The following ETV6 variants were observed in gnomAD, a reference collection of about 807,000 sequenced individuals.
The protein encoded by ETV6 is transcription factor ETV6.
ETV6 carries 16 observed loss-of-function variants against 51.1 expected under a neutral mutation model. That is an observed-to-expected ratio of 0.31 (90% CI 0.21 to 0.48). ETV6 has a LOEUF of 0.48. ETV6 is among the 20% of genes least tolerant of loss of function. The pLI, the probability that ETV6 is intolerant of heterozygous loss-of-function variation, is 0.99. For missense variants in ETV6, 458 were observed against 594.8 expected (o/e 0.77, Z 2.39); for synonymous variants, 240 against 224.1 (o/e 1.07, Z -0.64).
chr12:11,705,777 C>A lies in ETV6; in HGVS notation c.34-46673C>A, dbSNP rs78085403. 8.2e-3 allele frequency among the ~76,000 whole-genome samples: 1,246 copies of A among 152,308 alleles called. 17 individuals carry two copies. Among genetic ancestry groups the A allele is most frequent in the African/African-American group, 0.028 (1,154 of 41,552 alleles). On this transcript the variant is annotated intron_variant, in intron 1 of 7. Transcript: ENST00000396373. ...AAAGATGAGAAGGCAATTGAGACAA[C>A]CCTAAGCCCCTGTCTGCCCACTCAA...
intron 2 of ETV6, among the ~76,000 whole-genome samples, chr12:11,775,748 C>T (rs961388676): frequency 2.6e-5 from 4 of 152,184 alleles, no homozygotes; most frequent in African/African-American, 4.8e-5. Context: ...GGCCAGGGAA[C>T]GTGATAAACC....
intron 2 of ETV6, among the ~76,000 whole-genome samples, chr12:11,835,752 T>G (rs1370388980): frequency 6.6e-6 from 1 of 152,224 alleles, no homozygotes; most frequent in Admixed American, 6.5e-5. Context: ...ATTCACTCAG[T>G]CTTTTTTGAA....
chr12:11,665,930 G>T (rs1318751948), intron 1 of ETV6, among the ~76,000 whole-genome samples: 1 of 152,208 alleles, frequency 6.6e-6, no homozygotes, highest in African/African-American at 2.4e-5. Flanking sequence ...CTTCAGGCTG[G>T]ATGTGCCAGA....
chr12:11,711,526 T>A, intron 1 of ETV6, among the ~76,000 whole-genome samples: 1 of 152,266 alleles, frequency 6.6e-6, no homozygotes, highest in East Asian at 1.9e-4. Context: ...CACTCTCACA[T>A]AGATACCAGT....
chr12:11,716,878 T>A (rs1325438561), intron 1 of ETV6: 1 of 152,256 alleles, frequency 6.6e-6, no homozygotes, highest in Non-Finnish European at 1.5e-5. Context: ...GTACACAGTC[T>A]GTAAACTGCT....
intron 4 of ETV6, among the ~76,000 whole-genome samples, chr12:11,857,246 A>T (rs901559698): frequency 6.6e-6 from 1 of 152,344 alleles, no homozygotes; most frequent in South Asian, 2.1e-4. Context: ...ACTTTCTTAC[A>T]TTGAAACTTA....
At chr12:11,814,809 G>A (rs1286744913) in intron 2 of ETV6, among the ~76,000 whole-genome samples, 3 of 152,168 alleles carry the variant, frequency 2.0e-5, no homozygotes, top group Non-Finnish European at 4.4e-5. Context: ...AGACAAAAAT[G>A]TACTGCAGGG....
chr12:11,850,222 G>A (rs73053905), intron 3 of ETV6, among the ~76,000 whole-genome samples: 8,039 of 152,152 alleles, frequency 0.053, 299 homozygotes, highest in Non-Finnish European at 0.075. Context: ...CTGCACACTC[G>A]GGAAGAACCC....
chr12:11,745,608 C>T (rs1025081258), intron 1 of ETV6, among the ~76,000 whole-genome samples: 4 of 152,138 alleles, frequency 2.6e-5, no homozygotes, highest in Non-Finnish European at 4.4e-5. Flanking sequence ...GCTTGGACTG[C>T]GGCCACTGTG....
chr12:11,666,936 CT>C, intron 1 of ETV6, among the ~76,000 whole-genome samples: 1 of 152,320 alleles, frequency 6.6e-6, no homozygotes. Context: ...TTTAAGGGTC[CT>C]CTTGCTTTGC....
chr12:11,790,718 C>T (rs1302090563), intron 2 of ETV6, among the ~76,000 whole-genome samples: 1 of 147,922 alleles, frequency 6.8e-6, no homozygotes, highest in Non-Finnish European at 1.5e-5. Flanking sequence ...GTATCTGTTG[C>T]CCATGCTGGA....
At chr12:11,686,808 G>C (rs1864638484) in intron 1 of ETV6, among the ~76,000 whole-genome samples, 1 of 152,130 alleles carries the variant, frequency 6.6e-6, no homozygotes, top group African/African-American at 2.4e-5. Flanking sequence ...GTGAGCCACC[G>C]CACCTGGCCC....
chr12:11,764,831 G>A (rs1481466760), intron 2 of ETV6, among the ~76,000 whole-genome samples: 1 of 152,128 alleles, frequency 6.6e-6, no homozygotes, highest in Non-Finnish European at 1.5e-5. Flanking sequence ...CACATGTATT[G>A]TATCATTTAA....
At chr12:11,688,645 T>C (rs1864683757) in intron 1 of ETV6, among the ~76,000 whole-genome samples, 1 of 152,196 alleles carries the variant, frequency 6.6e-6, no homozygotes, top group African/African-American at 2.4e-5. Flanking sequence ...GGGCCCTCTT[T>C]ATGCTTCTCT....
chr12:11,673,877 A>T (rs1334884110), intron 1 of ETV6, among the ~76,000 whole-genome samples: 1 of 152,170 alleles, frequency 6.6e-6, no homozygotes, highest in African/African-American at 2.4e-5. Flanking sequence ...CAGTGATTCC[A>T]TGGCTCTTGT....
chr12:11,680,915 C>T (rs146184919), intron 1 of ETV6, among the ~76,000 whole-genome samples: 13 of 152,116 alleles, frequency 8.5e-5, no homozygotes, highest in Non-Finnish European at 1.8e-4. Context: ...ACTTTCTGTT[C>T]TTTAAAATCT....
intron 5 of ETV6, among the ~76,000 whole-genome samples, chr12:11,875,056 AG>A (rs976403409): frequency 6.7e-6 from 1 of 150,202 alleles, no homozygotes. Flanking sequence ...TAAAAAAAAA[AG>A]ATACATGCAA....
intron 2 of ETV6, 119 bp downstream of exon 2, chr12:11,752,698 C>T (rs1354873334): frequency 9.8e-6 from 13 of 1,325,766 alleles, no homozygotes; most frequent in South Asian, 4.6e-5. Flanking sequence ...GACTTCGCCA[C>T]GCTGCTTTGG....
chr12:11,674,245 A>G (rs2120711447), intron 1 of ETV6, among the ~76,000 whole-genome samples: 1 of 152,138 alleles, frequency 6.6e-6, no homozygotes, highest in East Asian at 1.9e-4. Flanking sequence ...CATGAGACAT[A>G]GCAATATAAA....
Sources: allele counts gnomAD v4.1 joint callset (sites outside exome capture counted in the v4.1 genomes callset), GRCh38; gene constraint gnomAD v4.1.1; transcripts MANE v1.5; gene names NCBI Gene and HGNC (gene_info 2026-07-23, HGNC 2026-07-21).